SPHKAP: variants seen among roughly 807,000 people sequenced by gnomAD.
The protein encoded by SPHKAP is A-kinase anchor protein SPHKAP.
In SPHKAP, 67 loss-of-function variants were observed where a neutral mutation model predicts 137.5. That is an observed-to-expected ratio of 0.49 (90% CI 0.40 to 0.60). The LOEUF is 0.60. SPHKAP is among the 20% of genes least tolerant of loss of function. The pLI is 0.00. For synonymous variants in SPHKAP, 813 were observed against 785.3 expected, an observed-to-expected ratio of 1.04 and a Z score of -0.59; for missense variants, 2,097 against 2,069.3, an observed-to-expected ratio of 1.01 and a Z score of -0.26.
intron 1 of SPHKAP, among the ~76,000 whole-genome samples, chr2:228,154,512 C>CTCTATATATATA (rs1393941364): frequency 2.2e-3 from 48 of 22,058 alleles, no homozygotes; most frequent in South Asian, 4.6e-3. Context: ...CTCTCTCTCT[C>CTCTATATATATA]TATATATATA....
At chr2:228,001,361 A>G (rs896596378) in intron 7 of SPHKAP, among the ~76,000 whole-genome samples, 4 of 144,338 alleles carry the variant, frequency 2.8e-5, no homozygotes, top group Admixed American at 1.4e-4. Context: ...ATATATAAAT[A>G]TATACACACA....
chr2:228,054,112 T>C (rs563124491), intron 3 of SPHKAP, among the ~76,000 whole-genome samples: 5 of 152,264 alleles, frequency 3.3e-5, no homozygotes, highest in South Asian at 4.1e-4. Flanking sequence ...AAGGAAATCA[T>C]TGGATATAGG....
At chr2:228,120,625 T>G (rs1041603262) in intron 2 of SPHKAP, among the ~76,000 whole-genome samples, 1 of 152,184 alleles carries the variant, frequency 6.6e-6, no homozygotes. Context: ...GAAGCTACAC[T>G]GTATCTTAAT....
chr2:228,071,703 G>C (rs1697011268), intron 3 of SPHKAP, among the ~76,000 whole-genome samples: 1 of 151,978 alleles, frequency 6.6e-6, no homozygotes, highest in Admixed American at 6.6e-5. Context: ...TTTAATAATG[G>C]TCCTTACACT....
intron 1 of SPHKAP, among the ~76,000 whole-genome samples, chr2:228,164,254 G>A (rs1700356965): frequency 1.3e-5 from 2 of 152,136 alleles, no homozygotes; most frequent in South Asian, 4.1e-4. Context: ...ACCACAGGCT[G>A]AAGGCTGCAC....
chr2:227,987,523 T>G (rs553410061), intron 11 of SPHKAP, among the ~76,000 whole-genome samples: 95 of 152,326 alleles, frequency 6.2e-4, no homozygotes, highest in South Asian at 2.5e-3. Context: ...ATGTTCTGAA[T>G]GTACGATTTT....
At position 228,007,685 on chromosome 2, in the gene SPHKAP, A is replaced by G. The variant is rs138388587; in HGVS notation, c.4448+8721T>C. The stretch of plus-strand genomic sequence containing the variant: ...ATATTACAAAGCAATAGTAATTAAA[A>G]CAGGATGGCAATGGCATAAAAACAG... On this transcript the variant is annotated intron_variant, in intron 7 of 11. Transcript: ENST00000392056. Among the ~76,000 whole-genome samples the G allele has an allele frequency of 4.5e-4, 68 of 152,334 alleles. No homozygotes were observed. The East Asian group carries it at 0.013, about 28-fold the overall frequency.
chr2:228,054,841 C>A (rs1039890269), intron 3 of SPHKAP, among the ~76,000 whole-genome samples: 11 of 138,722 alleles, frequency 7.9e-5, no homozygotes, highest in Non-Finnish European at 1.2e-4. Flanking sequence ...CCATTCTATT[C>A]TAGATGGAGT....
In SPHKAP at chr2:228,144,502, A is replaced by G. The variant is rs186510843; in HGVS notation, c.33-12417T>C. On this transcript the variant is annotated intron_variant, in intron 1 of 11. Coordinates refer to ENST00000392056, the MANE Select transcript of SPHKAP (RefSeq NM_001142644.2). ...AAACATGAAAATGTTAATAGCAGCT[A>G]TCTTTGGATAATGTAGCTATTTGTG... 2.6e-5 allele frequency among the ~76,000 whole-genome samples: 4 copies of G among 152,234 alleles called. 1 individual carries two copies. The East Asian group carries it at 7.7e-4, about 29-fold the overall frequency.
intron 1 of SPHKAP, among the ~76,000 whole-genome samples, chr2:228,158,328 T>TTTTTC (rs1700172885): frequency 6.9e-6 from 1 of 145,008 alleles, no homozygotes. Context: ...ACTTCTTTCT[T>TTTTTC]TTTTTTTTTT....
chr2:228,175,013 GA>G (rs60971800), intron 1 of SPHKAP, among the ~76,000 whole-genome samples: 17,848 of 97,790 alleles, frequency 0.18, 1,032 homozygotes, highest in East Asian at 0.29. Context: ...TTATCCATCT[GA>G]AAAAAAAAAA....
At chr2:228,041,516 G>T (rs571183432) in intron 3 of SPHKAP, among the ~76,000 whole-genome samples, 2 of 151,684 alleles carry the variant, frequency 1.3e-5, no homozygotes, top group Admixed American at 6.6e-5. Context: ...GTGGTGGTGC[G>T]TGCCTGTAGT....
chr2:228,173,339 A>T (rs920942322), intron 1 of SPHKAP, among the ~76,000 whole-genome samples: 4 of 152,238 alleles, frequency 2.6e-5, no homozygotes, highest in African/African-American at 9.6e-5. Context: ...CCATATCTTA[A>T]TTCCTGAAAT....
At chr2:228,131,892 T>C in intron 2 of SPHKAP, 88 bp downstream of exon 2, 1 of 1,497,682 alleles carries the variant, frequency 6.7e-7, no homozygotes, top group East Asian at 2.3e-5. Context: ...TATTGTTGTT[T>C]CTACTTTAGG....
chr2:228,032,530 A>G (rs1695376686), intron 3 of SPHKAP, among the ~76,000 whole-genome samples: 1 of 152,146 alleles, frequency 6.6e-6, no homozygotes, highest in African/African-American at 2.4e-5. Context: ...AATACAGAGA[A>G]CGCCACAAAG....
intron 3 of SPHKAP, among the ~76,000 whole-genome samples, chr2:228,066,553 T>G (rs1696833611): frequency 6.6e-6 from 1 of 152,188 alleles, no homozygotes; most frequent in Non-Finnish European, 1.5e-5. Context: ...AATCTGCAGA[T>G]GCAAAGTTCC....
intron 7 of SPHKAP, among the ~76,000 whole-genome samples, chr2:228,002,004 A>G (rs1411150657): frequency 1.3e-5 from 2 of 152,192 alleles, no homozygotes; most frequent in East Asian, 3.8e-4. Context: ...AGTCTTTGCT[A>G]TTGTGAGTAG....
chr2:228,125,369 T>C (rs12618505), intron 2 of SPHKAP, among the ~76,000 whole-genome samples: 52,031 of 152,130 alleles, frequency 0.34, 9,184 homozygotes, highest in East Asian at 0.5. Context: ...ATTTTTAAAT[T>C]TCATTTAAAT....
At chr2:228,117,784 C>T (rs1698759266) in intron 2 of SPHKAP, among the ~76,000 whole-genome samples, 1 of 151,440 alleles carries the variant, frequency 6.6e-6, no homozygotes, top group South Asian at 2.1e-4. Context: ...TAAAGGTATC[C>T]TAAGTCCCAG....
Sources: gnomAD v4.1 joint callset for allele counts (sites outside exome capture counted in the v4.1 genomes callset) on GRCh38, gnomAD v4.1.1 for gene constraint, MANE v1.5 for transcripts, NCBI Gene and HGNC (gene_info 2026-07-23, HGNC 2026-07-21) for gene names.